Variants in RHPN2 observed in about 807,000 individuals in gnomAD.
RHPN2 encodes the protein rhophilin Rho GTPase binding protein 2.
RHPN2 carries 40 observed loss-of-function variants against 79.0 expected under a neutral mutation model. The observed-to-expected ratio is 0.51, with a 90% confidence interval of 0.39 to 0.66. The LOEUF is 0.66. Among genes scored for constraint, RHPN2 ranks in the 30% least tolerant of loss-of-function variants. The pLI is 0.00. For synonymous variants in RHPN2, 285 were observed against 363.5 expected (o/e 0.78, Z 2.46); for missense variants, 686 against 883.5 (o/e 0.78, Z 2.83).
chr19:33,056,163 A>T, intron 1 of RHPN2, among the ~76,000 whole-genome samples: 1 of 130,648 alleles, frequency 7.7e-6, no homozygotes. Context: ...CCCTGGCTGG[A>T]GTGCAATGGC....
chr19:33,042,185 A>T (rs2194023), intron 2 of RHPN2, among the ~76,000 whole-genome samples: 1 of 149,374 alleles, frequency 6.7e-6, no homozygotes, highest in African/African-American at 2.5e-5. Flanking sequence ...GTGAAACTCC[A>T]TCTCAAAAAA....
chr19:33,054,408 C>T (rs1254432009), intron 1 of RHPN2, among the ~76,000 whole-genome samples: 2 of 151,900 alleles, frequency 1.3e-5, no homozygotes, highest in African/African-American at 4.8e-5. Flanking sequence ...CCATGTTGTC[C>T]AGGCTGGTCT....
At chr19:33,005,806 A>G (rs1971786116) in intron 7 of RHPN2, among the ~76,000 whole-genome samples, 1 of 152,148 alleles carries the variant, frequency 6.6e-6, no homozygotes, top group Non-Finnish European at 1.5e-5. Flanking sequence ...ATGAGTCCAG[A>G]AAAAAGATTT....
chr19:33,026,402 C>G, intron 3 of RHPN2, 102 bp downstream of exon 3: 1 of 1,479,634 alleles, frequency 6.8e-7, no homozygotes, highest in Non-Finnish European at 9.3e-7. Flanking sequence ...GGGGCTGCCA[C>G]ACCCCAGTCT....
chr19:33,055,947 C>A (rs1239180010), intron 1 of RHPN2, among the ~76,000 whole-genome samples: 1 of 151,948 alleles, frequency 6.6e-6, no homozygotes, highest in Non-Finnish European at 1.5e-5. Flanking sequence ...TTAGCATTCC[C>A]AAAGGATGAA....
intron 4 of RHPN2, among the ~76,000 whole-genome samples, chr19:33,020,209 G>A (rs1164719004): frequency 6.6e-6 from 1 of 152,082 alleles, no homozygotes; most frequent in East Asian, 1.9e-4. Flanking sequence ...GTGGCTGGGG[G>A]ACACACAAGC....
chr19:33,022,742 T>A (rs1359708656), intron 3 of RHPN2, among the ~76,000 whole-genome samples: 1 of 152,192 alleles, frequency 6.6e-6, no homozygotes, highest in African/African-American at 2.4e-5. Flanking sequence ...CTCCTTGGGC[T>A]GCTCAGCCCA....
intron 1 of RHPN2, among the ~76,000 whole-genome samples, chr19:33,053,893 C>T (rs144402635): frequency 1.3e-5 from 2 of 151,820 alleles, no homozygotes; most frequent in African/African-American, 4.8e-5. Flanking sequence ...GGATCTCACT[C>T]TCTTGCCCAG....
chr19:33,000,345 C>T (rs1279032868), intron 9 of RHPN2, among the ~76,000 whole-genome samples: 3 of 151,786 alleles, frequency 2.0e-5, no homozygotes, highest in East Asian at 1.9e-4. Flanking sequence ...CTCAGCCTCC[C>T]GAGTAGCTGG....
chr19:33,016,396 A>C (rs1971877842), intron 4 of RHPN2, among the ~76,000 whole-genome samples: 1 of 152,058 alleles, frequency 6.6e-6, no homozygotes, highest in African/African-American at 2.4e-5. Context: ...ATAAAACAAA[A>C]TCGGCCAGCT....
rs1568330433 is a variant in RHPN2 at position 33,064,821 on chromosome 19, T to TG, written c.31dup (p.Gln11ProfsTer16). On this transcript the variant is annotated frameshift_variant, in exon 1 of 15. Transcript: ENST00000254260. LOFTEE classifies it high-confidence loss of function. ...GCCGTCGTTCTCCTTCTCCAGCGGC[T>TG]GGGGGGCCGCGGGCAACAGCGCGTC... 3.0e-6 allele frequency: 4 copies of TG among 1,334,962 alleles called. No homozygotes were observed. The African/African-American group carries it at 6.6e-5, about 22-fold the overall frequency. 82.7% of individuals were successfully genotyped at this position (1,334,962 alleles called of 1,614,324 possible). A position where few individuals can be genotyped will look rare whatever the true frequency, so the allele number is the denominator to read the frequency against.
chr19:32,979,949 G>A lies in RHPN2; in HGVS notation c.*47C>T. The A allele has an allele frequency of 6.2e-7, 1 of 1,608,750 alleles. No individual in the cohort carries two copies. Among genetic ancestry groups the A allele is most frequent in the Non-Finnish European group, 8.5e-7 (1 of 1,175,226 alleles). On this transcript the variant is annotated 3_prime_UTR_variant, in exon 15 of 15. Transcript: ENST00000254260. Reference sequence around the variant, plus strand: ...TTATGGCACAAACGTTTAAGGCCGAGTCAGCACCGGAAATGTTCAGGGCCT... The same window carrying A: ...TTATGGCACAAACGTTTAAGGCCGAATCAGCACCGGAAATGTTCAGGGCCT...
rs1971559118 is a variant in RHPN2, at chr19:32,979,894, A to G, written c.*102T>C. On this transcript the variant is annotated 3_prime_UTR_variant, in exon 15 of 15. Transcript: ENST00000254260. Reference sequence around the variant, plus strand: ...GAGTTTACACTATGAGAAAAACAGGATTTGAGAACAGATAGATAGATATTT... The same window carrying G: ...GAGTTTACACTATGAGAAAAACAGGGTTTGAGAACAGATAGATAGATATTT... 1.4e-6 allele frequency: 2 copies of G among 1,394,602 alleles called. No homozygotes were observed. The highest frequency in any genetic ancestry group is 1.4e-5 in the African/African-American group (1 of 70,328). The allele number at this position is 1,394,602 out of a possible 1,614,324, so 86.4% of individuals were successfully genotyped here. A position where few individuals can be genotyped will look rare whatever the true frequency, so the allele number is the denominator to read the frequency against.
intron 14 of RHPN2, among the ~76,000 whole-genome samples, chr19:32,987,044 T>C (rs1206106429): frequency 6.6e-6 from 1 of 151,246 alleles, no homozygotes; most frequent in Non-Finnish European, 1.5e-5. Context: ...GCCTCGCTAA[T>C]TTTTTTTATT....
At chr19:33,040,114 C>T (rs1227374750) in intron 2 of RHPN2, among the ~76,000 whole-genome samples, 1 of 152,122 alleles carries the variant, frequency 6.6e-6, no homozygotes, top group Non-Finnish European at 1.5e-5. Context: ...TCTGATCTAG[C>T]CCAACAACTC....
chr19:33,011,631 G>A, intron 6 of RHPN2, 48 bp downstream of exon 6: 1 of 1,612,336 alleles, frequency 6.2e-7, no homozygotes, highest in Non-Finnish European at 8.5e-7. Context: ...CTCCAAAATT[G>A]TGGCTGCCAT....
At chr19:33,054,292 C>T (rs1352041057) in intron 1 of RHPN2, among the ~76,000 whole-genome samples, 1 of 149,620 alleles carries the variant, frequency 6.7e-6, no homozygotes, top group Non-Finnish European at 1.5e-5. Flanking sequence ...CCCCCACCTC[C>T]GAGGTTCAAG....
At chr19:33,040,537 G>A (rs376045963) in intron 2 of RHPN2, among the ~76,000 whole-genome samples, 18 of 151,894 alleles carry the variant, frequency 1.2e-4, no homozygotes, top group Admixed American at 2.0e-4. Flanking sequence ...AGTGCTCACC[G>A]GCCCTGCTTT....
At chr19:33,064,055 G>C (rs965053841) in intron 1 of RHPN2, among the ~76,000 whole-genome samples, 14 of 152,282 alleles carry the variant, frequency 9.2e-5, no homozygotes, top group Non-Finnish European at 2.1e-4. Flanking sequence ...GGCAAAAAGA[G>C]ACCGCCGGCC....
Sources: allele counts gnomAD v4.1 joint callset (sites outside exome capture counted in the v4.1 genomes callset), GRCh38; gene constraint gnomAD v4.1.1; transcripts MANE v1.5; gene names NCBI Gene and HGNC (gene_info 2026-07-23, HGNC 2026-07-21).